PDE3A: variants seen among roughly 807,000 people sequenced by gnomAD.
PDE3A encodes the protein cGMP-inhibited 3',5'-cyclic phosphodiesterase 3A.
Under a neutral mutation model 98.3 loss-of-function variants are expected in PDE3A, and 43 were observed. The observed-to-expected ratio is 0.44, with a 90% CI of 0.34 to 0.56. PDE3A has a LOEUF of 0.56. Among genes scored for constraint, PDE3A ranks in the 20% least tolerant of loss-of-function variants. PDE3A has a pLI of 0.01. For synonymous variants in PDE3A, 663 were observed against 567.9 expected (o/e 1.17, Z -2.38); for missense variants, 1,427 against 1,440.7 (o/e 0.99, Z 0.15).
At chr12:20,582,341 C>T (rs555495111) in intron 2 of PDE3A, among the ~76,000 whole-genome samples, 2 of 152,150 alleles carry the variant, frequency 1.3e-5, no homozygotes, top group East Asian at 3.9e-4. Context: ...CAGGCATGCA[C>T]CACCATGCCT....
At chr12:20,380,264 T>C (rs551975274) in intron 1 of PDE3A, among the ~76,000 whole-genome samples, 107 of 152,014 alleles carry the variant, frequency 7.0e-4, no homozygotes, top group African/African-American at 2.3e-3. Flanking sequence ...CTTCCAGAGA[T>C]GACATTGTGA....
chr12:20,490,990 A>G (rs112668043), intron 1 of PDE3A, among the ~76,000 whole-genome samples: 5,992 of 152,206 alleles, frequency 0.039, 169 homozygotes, highest in South Asian at 0.062. Flanking sequence ...AGTCCTAGCT[A>G]CTCAGGAGGC....
intron 15 of PDE3A, among the ~76,000 whole-genome samples, chr12:20,677,874 C>G (rs1194564531): frequency 1.3e-5 from 2 of 151,196 alleles, no homozygotes; most frequent in Non-Finnish European, 2.9e-5. Context: ...TGACTGTAAA[C>G]AGTATCAGTA....
intron 1 of PDE3A, among the ~76,000 whole-genome samples, chr12:20,494,765 A>G (rs76918436): frequency 6.6e-6 from 1 of 151,600 alleles, no homozygotes; most frequent in South Asian, 2.1e-4. Context: ...ATTTAGGACT[A>G]TTTTGCCCTG....
chr12:20,400,319 A>AGGGTGGAG (rs1236744328), intron 1 of PDE3A, among the ~76,000 whole-genome samples: 1 of 145,696 alleles, frequency 6.9e-6, no homozygotes, highest in Non-Finnish European at 1.5e-5. Context: ...GACACTGATG[A>AGGGTGGAG]GGGTGGAGGT....
At chr12:20,415,386 GCCT>G (rs1944405679) in intron 1 of PDE3A, among the ~76,000 whole-genome samples, 1 of 144,010 alleles carries the variant, frequency 6.9e-6, no homozygotes, top group Non-Finnish European at 1.5e-5. Context: ...TAAGCCGTTG[GCCT>G]CCTTTTATCT....
At chr12:20,422,153 T>C (rs577428628) in intron 1 of PDE3A, among the ~76,000 whole-genome samples, 7 of 152,234 alleles carry the variant, frequency 4.6e-5, no homozygotes, top group African/African-American at 7.2e-5. Context: ...GAGACCATCC[T>C]GGCTAACACG....
intron 1 of PDE3A, among the ~76,000 whole-genome samples, chr12:20,480,630 C>G (rs974004722): frequency 1.3e-5 from 2 of 152,136 alleles, no homozygotes; most frequent in Non-Finnish European, 2.9e-5. Flanking sequence ...CTGTTTTCAT[C>G]TCATGGAAAG....
chr12:20,657,669 C>T (rs1358334378), intron 15 of PDE3A, among the ~76,000 whole-genome samples: 1 of 152,110 alleles, frequency 6.6e-6, no homozygotes. Context: ...AATTTGGCTC[C>T]CAATACAGGC....
intron 1 of PDE3A, among the ~76,000 whole-genome samples, chr12:20,384,327 G>GT (rs561554987): frequency 6.6e-6 from 1 of 151,466 alleles, no homozygotes; most frequent in Admixed American, 6.6e-5. Flanking sequence ...CTCTTCAAAA[G>GT]TTTTTTAGTT....
At chr12:20,385,550 C>G (rs1161294897) in intron 1 of PDE3A, among the ~76,000 whole-genome samples, 1 of 151,714 alleles carries the variant, frequency 6.6e-6, no homozygotes, top group Non-Finnish European at 1.5e-5. Flanking sequence ...AAATGTCCAA[C>G]AATGATAGAC....
rs71442269 is a variant in PDE3A at position 20,685,409 on chromosome 12, CAAAAAAA to C, written c.*5155_*5161del. ...GGGCAACAGGAGTTAAATTTTGCCT[CAAAAAAA>C]AAAAAAAAAAAAAAAAGAACATTTT... is the stretch of plus-strand genomic sequence containing the variant. On this transcript the variant is annotated 3_prime_UTR_variant, in exon 16 of 16. Coordinates refer to ENST00000359062, the MANE Select transcript of PDE3A (RefSeq NM_000921.5). Among the ~76,000 whole-genome samples the C allele has an allele frequency of 4.2e-3, 307 of 73,798 alleles. 2 individuals are homozygous for C. Among genetic ancestry groups the C allele is most frequent in the African/African-American group, 0.017 (289 of 16,580 alleles). The allele number at this position is 73,798 out of a possible 152,430, so 48.4% of individuals were successfully genotyped here.
intron 2 of PDE3A, among the ~76,000 whole-genome samples, chr12:20,608,581 T>TAAAG (rs1470514373): frequency 6.6e-6 from 1 of 152,154 alleles, no homozygotes; most frequent in Non-Finnish European, 1.5e-5. Flanking sequence ...CATTGACTTA[T>TAAAG]AAAGATGAGT....
intron 1 of PDE3A, among the ~76,000 whole-genome samples, chr12:20,418,053 G>T (rs1944451501): frequency 6.6e-6 from 1 of 151,938 alleles, no homozygotes; most frequent in Non-Finnish European, 1.5e-5. Flanking sequence ...GTTTTCCTAG[G>T]TAGAGAATCT....
chr12:20,636,924 C>T (rs1437209957), intron 8 of PDE3A, among the ~76,000 whole-genome samples, 176 bp from the exon 9 acceptor site: 1 of 152,148 alleles, frequency 6.6e-6, no homozygotes, highest in African/African-American at 2.4e-5. Context: ...TTCCTTCTTA[C>T]TTTGGCGTCA....
At chr12:20,581,336 G>A (rs1314223253) in intron 2 of PDE3A, among the ~76,000 whole-genome samples, 3 of 152,052 alleles carry the variant, frequency 2.0e-5, no homozygotes, top group Non-Finnish European at 2.9e-5. Flanking sequence ...GTTTTGTTTT[G>A]TTTTGCTAAA....
chr12:20,497,587 A>G (rs1591990565), intron 1 of PDE3A, among the ~76,000 whole-genome samples: 1 of 151,892 alleles, frequency 6.6e-6, no homozygotes, highest in Non-Finnish European at 1.5e-5. Context: ...TAATAGTGGC[A>G]TTAGAAAGAT....
intron 13 of PDE3A, among the ~76,000 whole-genome samples, chr12:20,650,031 A>G (rs577460009): frequency 6.6e-6 from 1 of 152,226 alleles, no homozygotes; most frequent in Admixed American, 6.5e-5. Flanking sequence ...TTGTAGGTAC[A>G]TGGTAGGTAT....
chr12:20,486,067 T>G (rs559420385), intron 1 of PDE3A, among the ~76,000 whole-genome samples: 22 of 152,250 alleles, frequency 1.4e-4, no homozygotes, highest in Non-Finnish European at 2.9e-4. Flanking sequence ...TATTTTAGCC[T>G]ATCGCTGATA....
Sources: allele counts gnomAD v4.1 joint callset (sites outside exome capture counted in the v4.1 genomes callset), GRCh38; gene constraint gnomAD v4.1.1; transcripts MANE v1.5; gene names NCBI Gene and HGNC (gene_info 2026-07-23, HGNC 2026-07-21).